Variants in TMEM135 observed in about 807,000 individuals in gnomAD.
The protein encoded by TMEM135 is peroxisomal membrane protein 52.
A neutral mutation model predicts 60.3 loss-of-function variants in TMEM135; 30 were observed. That is an observed-to-expected ratio of 0.50 (90% CI 0.37 to 0.68). TMEM135 has a LOEUF of 0.68. TMEM135 is among the 30% of genes least tolerant of loss of function. TMEM135 has a pLI of 0.00. For missense variants in TMEM135, 468 were observed against 548.8 expected (o/e 0.85, Z 1.47); for synonymous variants, 190 against 186.7 (o/e 1.02, Z -0.14).
chr11:87,158,890 A>G (rs545575599), intron 5 of TMEM135, among the ~76,000 whole-genome samples: 3 of 152,372 alleles, frequency 2.0e-5, no homozygotes, highest in Non-Finnish European at 2.9e-5. Flanking sequence ...CAATAAGGTC[A>G]GATGTAGTAA....
At chr11:87,246,519 A>G (rs1161469683) in intron 6 of TMEM135, among the ~76,000 whole-genome samples, 1 of 152,302 alleles carries the variant, frequency 6.6e-6, no homozygotes, top group East Asian at 1.9e-4. Flanking sequence ...GTTTTCACAT[A>G]GTCCCATATT....
intron 5 of TMEM135, among the ~76,000 whole-genome samples, chr11:87,224,579 C>A (rs542296185): frequency 1.3e-4 from 20 of 152,098 alleles, no homozygotes; most frequent in East Asian, 1.9e-4. Context: ...AATGGGAATA[C>A]CACCCTTTGG....
At position 87,135,493 on chromosome 11, in the gene TMEM135, C is replaced by CTTTTTTT. The variant is rs376201118; in HGVS notation, c.397-21840_397-21834dup. 2.0e-3 allele frequency among the ~76,000 whole-genome samples: 280 copies of CTTTTTTT among 142,024 alleles called. 1 individual carries two copies. The highest frequency in any genetic ancestry group is 4.4e-3 in the South Asian group (20 of 4,544). 93.2% of individuals were successfully genotyped at this position (142,024 alleles called of 152,430 possible). On this transcript the variant is annotated intron_variant, in intron 4 of 14. Transcript: ENST00000305494. Reference sequence around the variant, plus strand: ...TAGCACCATTTATTGAAGAGTTCATCTTTTTTTTTTTTTTAACGGAATTAC... The same window carrying CTTTTTTT: ...TAGCACCATTTATTGAAGAGTTCATCTTTTTTTTTTTTTTTTTTTTTAACGGAATTAC...
intron 3 of TMEM135, among the ~76,000 whole-genome samples, chr11:87,079,083 G>T (rs569111748): frequency 7.8e-4 from 118 of 152,232 alleles, no homozygotes; most frequent in African/African-American, 2.6e-3. Context: ...TTTGCTCACT[G>T]CAACCTCCAC....
intron 5 of TMEM135, among the ~76,000 whole-genome samples, chr11:87,158,911 A>ATG (rs1451668332): frequency 6.6e-6 from 1 of 152,204 alleles, no homozygotes; most frequent in Non-Finnish European, 1.5e-5. Context: ...TCTGCCTATG[A>ATG]TGTCTAAAAA....
Position 87,328,449 on chromosome 11 carries a change from C to G in TMEM135, c.*7116C>G, listed in dbSNP as rs1380420228. 4.4e-6 allele frequency: 2 copies of G among 453,952 alleles called. No homozygotes were observed. The highest frequency in any genetic ancestry group is 1.4e-4 in the East Asian group (2 of 14,404). 28.1% of individuals were successfully genotyped at this position (453,952 alleles called of 1,614,324 possible). A position where few individuals can be genotyped will look rare whatever the true frequency, so the allele number is the denominator to read the frequency against. On this transcript the variant is annotated 3_prime_UTR_variant, in exon 15 of 15. Transcript: ENST00000305494. ...ATTGGTGAAGTCTGAAATTTTAGTG[C>G]ACCTGTCACCAGAATAGTGTGCATT...
chr11:87,321,409 C>A lies in TMEM135; in HGVS notation c.*76C>A. 1 of 1,515,000 alleles carries A rather than the reference C, an allele frequency of 6.6e-7. No homozygotes were observed. The highest frequency in any genetic ancestry group is 9.2e-7 in the Non-Finnish European group (1 of 1,092,240). 93.8% of individuals were successfully genotyped at this position (1,515,000 alleles called of 1,614,324 possible). ...ATTATGTTGAACACAAAGGAGGGGG[C>A]CCAAGCTCGAACTTCAGTGTTATTT... On this transcript the variant is annotated 3_prime_UTR_variant, in exon 15 of 15. Transcript: ENST00000305494.
chr11:87,109,146 T>A (rs536926350), intron 4 of TMEM135, among the ~76,000 whole-genome samples: 1 of 152,166 alleles, frequency 6.6e-6, no homozygotes, highest in East Asian at 1.9e-4. Context: ...CATTTTAGAG[T>A]GTGTACATAT....
chr11:87,260,947 G>A (rs374248091), intron 6 of TMEM135, among the ~76,000 whole-genome samples: 1 of 152,124 alleles, frequency 6.6e-6, no homozygotes, highest in Non-Finnish European at 1.5e-5. Flanking sequence ...GGCGATGCTA[G>A]TTCTGGTCCT....
At chr11:87,224,190 G>T (rs1940716233) in intron 5 of TMEM135, among the ~76,000 whole-genome samples, 1 of 152,188 alleles carries the variant, frequency 6.6e-6, no homozygotes, top group African/African-American at 2.4e-5. Context: ...TGTCCTACTT[G>T]TTGTTGATGG....
At chr11:87,310,536 A>C (rs1179433072) in intron 10 of TMEM135, among the ~76,000 whole-genome samples, 1 of 151,792 alleles carries the variant, frequency 6.6e-6, no homozygotes, top group Non-Finnish European at 1.5e-5. Context: ...TATTGGGATC[A>C]ATCATACCCC....
At chr11:87,223,986 G>A (rs1940711194) in intron 5 of TMEM135, among the ~76,000 whole-genome samples, 1 of 152,168 alleles carries the variant, frequency 6.6e-6, no homozygotes, top group Admixed American at 6.5e-5. Context: ...AACCAGATAT[G>A]AGCAATACCA....
At chr11:87,253,820 CGTT>C (rs1175099496) in intron 6 of TMEM135, among the ~76,000 whole-genome samples, 1 of 151,418 alleles carries the variant, frequency 6.6e-6, no homozygotes, top group East Asian at 1.9e-4. Flanking sequence ...TAGTAACAAT[CGTT>C]GTCTCATGAA....
intron 5 of TMEM135, among the ~76,000 whole-genome samples, chr11:87,233,291 G>A (rs1940927406): frequency 6.6e-6 from 1 of 152,112 alleles, no homozygotes; most frequent in Non-Finnish European, 1.5e-5. Flanking sequence ...CACATTAAAT[G>A]TAAATAGTCT....
intron 7 of TMEM135, among the ~76,000 whole-genome samples, chr11:87,299,185 A>G (rs1024577825): frequency 6.6e-5 from 10 of 152,224 alleles, no homozygotes; most frequent in Non-Finnish European, 1.2e-4. Flanking sequence ...TCACACTGCT[A>G]TAAAGATACT....
chr11:87,230,880 A>T (rs1162863162), intron 5 of TMEM135, among the ~76,000 whole-genome samples: 2 of 152,040 alleles, frequency 1.3e-5, no homozygotes, highest in African/African-American at 4.8e-5. Context: ...ATTAATTTAA[A>T]TTTAAATAAC....
intron 4 of TMEM135, among the ~76,000 whole-genome samples, chr11:87,154,484 A>G (rs1295431147): frequency 6.6e-6 from 1 of 152,202 alleles, no homozygotes; most frequent in Admixed American, 6.5e-5. Flanking sequence ...AGTTATGGAT[A>G]TATACCCAGA....
intron 5 of TMEM135, among the ~76,000 whole-genome samples, chr11:87,174,867 T>A (rs1422030490): frequency 1.3e-5 from 2 of 152,196 alleles, no homozygotes; most frequent in Non-Finnish European, 2.9e-5. Context: ...AAGGACATTA[T>A]GTTCAGATTT....
intron 1 of TMEM135, among the ~76,000 whole-genome samples, chr11:87,041,533 T>C (rs1258747250): frequency 2.6e-5 from 4 of 152,196 alleles, no homozygotes; most frequent in Non-Finnish European, 1.5e-5. Flanking sequence ...ACTATCAATA[T>C]GATCTTTAGA....
Sources: gnomAD v4.1 joint callset for allele counts (sites outside exome capture counted in the v4.1 genomes callset) on GRCh38, gnomAD v4.1.1 for gene constraint, MANE v1.5 for transcripts, NCBI Gene and HGNC (gene_info 2026-07-23, HGNC 2026-07-21) for gene names.